The following GRAMD4 variants were observed in gnomAD, a reference collection of about 807,000 sequenced individuals.
GRAMD4 encodes GRAM domain containing 4.
Under a neutral mutation model 83.9 loss-of-function variants are expected in GRAMD4, and 25 were observed. The observed-to-expected ratio is 0.30, with a 90% confidence interval of 0.22 to 0.42. The LOEUF (loss-of-function observed/expected upper bound fraction) is 0.42, where lower values mean the gene tolerates loss of function less well. Ranked by LOEUF, GRAMD4 falls within the 10% of genes least tolerant of loss-of-function variation. The probability of loss-of-function intolerance (pLI) is 1.00; values close to 1 mark genes in which losing one functional copy is unlikely to be tolerated. For synonymous variants in GRAMD4, 336 were observed against 320.9 expected (o/e 1.05, Z -0.50); for missense variants, 593 against 788.7 (o/e 0.75, Z 2.97).
intron 1 of GRAMD4, among the ~76,000 whole-genome samples, chr22:46,625,862 C>T (rs1464914919): frequency 1.6e-4 from 24 of 152,250 alleles, no homozygotes; most frequent in Non-Finnish European, 7.3e-5. Context: ...CACATCCGCC[C>T]TTTGGCACGT....
chr22:46,617,637 A>C (rs1398821080), upstream of GRAMD4, among the ~76,000 whole-genome samples: 1 of 152,116 alleles, frequency 6.6e-6, no homozygotes, highest in African/African-American at 2.4e-5. Flanking sequence ...GCGGAGACTC[A>C]CGTAGGCATC....
chr22:46,587,122 G>A (rs936529838), intron 1 of GRAMD4, among the ~76,000 whole-genome samples: 1 of 152,176 alleles, frequency 6.6e-6, no homozygotes, highest in Non-Finnish European at 1.5e-5. Flanking sequence ...TGATGAAGTA[G>A]ATTATCCCCT....
rs150386950 is a variant in GRAMD4, at chr22:46,629,769, T to C, written c.162+2808T>C. Among the ~76,000 whole-genome samples, 646 of 152,350 alleles carry C rather than the reference T, an allele frequency of 4.2e-3. 3 individuals carry two copies. The highest frequency in any genetic ancestry group is 0.015 in the African/African-American group (620 of 41,588). ...CATTACTACAGTTTTAAAAGGTTTT[T>C]ATCACCTGAAAGAGACCCCGTTCCT... On this transcript the variant is annotated intron_variant, in intron 2 of 18. Coordinates refer to ENST00000406902, the MANE Select transcript of GRAMD4 (RefSeq NM_015124.5).
chr22:46,591,993 G>T (rs563174428), intron 1 of GRAMD4, among the ~76,000 whole-genome samples: 6 of 150,932 alleles, frequency 4.0e-5, no homozygotes, highest in African/African-American at 9.7e-5. Context: ...GTGCCTGCAG[G>T]CTTGACACAG....
chr22:46,622,121 G>A lies in GRAMD4; in HGVS notation c.-50+1556G>A, dbSNP rs2081584689. Among the ~76,000 whole-genome samples, 1 of 152,164 alleles carries A rather than the reference G, an allele frequency of 6.6e-6. No individual in the cohort carries two copies. The highest frequency in any genetic ancestry group is 2.4e-5 in the African/African-American group (1 of 41,424). Reference sequence around the variant, plus strand: ...TGATGGTGACAGGCGGGACACTCAGGGCCTTTGTCCCCTCTCTCATTGCCT... The same window carrying A: ...TGATGGTGACAGGCGGGACACTCAGAGCCTTTGTCCCCTCTCTCATTGCCT... On this transcript the variant is annotated intron_variant, in intron 1 of 18. Transcript: ENST00000406902. The surrounding 1 kb of genome is among the most constrained non-coding windows in gnomAD (Gnocchi z 4.0).
chr22:46,604,720 C>T (rs1355937135), intron 1 of GRAMD4, among the ~76,000 whole-genome samples: 2 of 152,034 alleles, frequency 1.3e-5, no homozygotes, highest in African/African-American at 2.4e-5. Flanking sequence ...GCCATAACGT[C>T]CTCTGGGTTC....
At chr22:46,642,452 T>C (rs1037032066) in intron 3 of GRAMD4, among the ~76,000 whole-genome samples, 56 of 152,260 alleles carry the variant, frequency 3.7e-4, no homozygotes, top group Admixed American at 2.0e-4. Context: ...CAGACTTTTA[T>C]TGTATCTTTG....
At chr22:46,618,721 C>T (rs142649757), upstream of GRAMD4, among the ~76,000 whole-genome samples, 839 of 151,960 alleles carry the variant, frequency 5.5e-3, 5 homozygotes, top group African/African-American at 0.019. The surrounding 1 kb of genome is among the most constrained non-coding windows in gnomAD (Gnocchi z 5.8). Context: ...GGGAGGCACG[C>T]GGCTGCCTGG....
intron 1 of GRAMD4, among the ~76,000 whole-genome samples, chr22:46,584,228 G>A (rs962257758): frequency 2.0e-5 from 3 of 152,054 alleles, no homozygotes; most frequent in Admixed American, 1.3e-4. Flanking sequence ...CAGGGAGCCC[G>A]GGTTCCTTTT....
chr22:46,645,018 T>C (rs571631398), intron 3 of GRAMD4, among the ~76,000 whole-genome samples: 1 of 147,774 alleles, frequency 6.8e-6, no homozygotes, highest in Admixed American at 6.9e-5. Context: ...TCAAAGTTTA[T>C]TACAGGCGTG....
At chr22:46,620,240 A>G (rs2081554113), upstream of GRAMD4, 1 of 858,128 alleles carries the variant, frequency 1.2e-6, no homozygotes, top group African/African-American at 1.8e-5. This position sits in a 1 kb window ranked among gnomAD's most constrained non-coding sequence, Gnocchi z 4.7. Context: ...TTTCCAGAGC[A>G]GCATGCTTTT....
At chr22:46,640,398 T>C (rs139365193) in intron 3 of GRAMD4, among the ~76,000 whole-genome samples, 145 of 152,186 alleles carry the variant, frequency 9.5e-4, no homozygotes, top group African/African-American at 3.3e-3. Context: ...GCAGATTCGC[T>C]TTGAGACGTT....
At position 46,672,845 on chromosome 22, in the gene GRAMD4, C is replaced by G. The variant is rs749005817; in HGVS notation, c.1087C>G (p.Leu363Val). ...CAGGCTGTGTCCCCTGCCCTCAGGA[C>G]TCTATGCTGGTATCAAGTTCTTCCT... ...PYRLVGLAVG[L>V]YAGIKFFLID... Residue 363 changes from leucine (L) to valine (V), a missense_variant and splice_region_variant, in exon 14 of 19, where the codon CTC becomes GTC. Physicochemically the swap from Leu to Val is conservative, Grantham distance 32. Transcript: ENST00000406902. This position sits in a 1 kb window ranked among gnomAD's most constrained non-coding sequence, Gnocchi z 4.7. The G allele has an allele frequency of 6.6e-5, 106 of 1,611,520 alleles. No homozygotes were observed. Among genetic ancestry groups the G allele is most frequent in the Middle Eastern group, 1.6e-4 (1 of 6,076 alleles).
At chr22:46,604,765 C>T (rs921906610) in intron 1 of GRAMD4, among the ~76,000 whole-genome samples, 1 of 152,124 alleles carries the variant, frequency 6.6e-6, no homozygotes, top group East Asian at 1.9e-4. Flanking sequence ...TCTGTGGGTT[C>T]ACCCAGGTCT....
chr22:46,678,747 T>C lies in GRAMD4; in HGVS notation c.*1496T>C, dbSNP rs2082635055. 2.0e-6 allele frequency: 2 copies of C among 985,714 alleles called. No individual in the cohort carries two copies. The highest frequency in any genetic ancestry group is 1.7e-5 in the African/African-American group (1 of 57,238). The allele number at this position is 985,714 out of a possible 1,614,324, so 61.1% of individuals were successfully genotyped here. A position where few individuals can be genotyped will look rare whatever the true frequency, so the allele number is the denominator to read the frequency against. On this transcript the variant is annotated 3_prime_UTR_variant, in exon 19 of 19. Transcript: ENST00000406902. ...CTTTGCTCCGATCCTCATTTGCTGG[T>C]GTGGGTGAGGGATCCGGCGGCATGG...
intron 10 of GRAMD4, among the ~76,000 whole-genome samples, chr22:46,667,487 C>A (rs143065195): frequency 6.6e-6 from 1 of 152,368 alleles, no homozygotes; most frequent in African/African-American, 2.4e-5. Flanking sequence ...CGACAGACCA[C>A]GTGGCCATGG....
chr22:46,626,681 T>C (rs1188231883), intron 1 of GRAMD4, 70 bp from the exon 2 acceptor site: 10 of 959,378 alleles, frequency 1.0e-5, no homozygotes, highest in African/African-American at 1.6e-5. Flanking sequence ...GGCTGTGCCC[T>C]GTGTGTGGGA....
rs375135443 is a variant in GRAMD4, at chr22:46,622,874, T to C, written c.-50+2309T>C. 6.9e-6 allele frequency among the ~76,000 whole-genome samples: 1 copy of C among 145,972 alleles called. No homozygotes were observed. The highest frequency in any genetic ancestry group is 2.6e-5 in the African/African-American group (1 of 38,942). ...TTGCAGTGAGCCGAGATCACGCCACTGCACTCCAGCCTGGGCGACAGAGCA... is the reference window on the plus strand; with the variant it reads ...TTGCAGTGAGCCGAGATCACGCCACCGCACTCCAGCCTGGGCGACAGAGCA... On this transcript the variant is annotated intron_variant, in intron 1 of 18. Coordinates refer to ENST00000406902, the MANE Select transcript of GRAMD4 (RefSeq NM_015124.5). This position sits in a 1 kb window ranked among gnomAD's most constrained non-coding sequence, Gnocchi z 4.0.
intron 18 of GRAMD4, 142 bp downstream of exon 18, chr22:46,676,810 C>A: frequency 1.3e-6 from 1 of 769,544 alleles, no homozygotes; most frequent in Non-Finnish European, 2.1e-6. Flanking sequence ...TCCCTCGCAG[C>A]AGCTAGAGCC....
Sources: allele counts gnomAD v4.1 joint callset (sites outside exome capture counted in the v4.1 genomes callset), GRCh38; gene constraint gnomAD v4.1.1; non-coding constraint Gnocchi (gnomAD v3.1); transcripts MANE v1.5; gene names NCBI Gene and HGNC (gene_info 2026-07-23, HGNC 2026-07-21).